The following INSC variants were observed in gnomAD, a reference collection of about 807,000 sequenced individuals.
INSC encodes the protein INSC spindle orientation adaptor protein, also known as protein inscuteable homolog.
INSC carries 67 observed loss-of-function variants against 58.6 expected under a neutral mutation model. That is an observed-to-expected ratio of 1.14 (90% CI 0.94 to 1.40). INSC has a LOEUF of 1.40. INSC is among the 40% of genes most tolerant of loss of function. INSC has a pLI of 0.00. For synonymous variants in INSC, 262 were observed against 276.1 expected, an observed-to-expected ratio of 0.95 and a Z score of 0.51; for missense variants, 714 against 692.0, an observed-to-expected ratio of 1.03 and a Z score of -0.36.
At chr11:15,158,840 AACC>A (rs931236479) in intron 2 of INSC, among the ~76,000 whole-genome samples, 1 of 148,632 alleles carries the variant, frequency 6.7e-6, no homozygotes, top group African/African-American at 2.5e-5. Context: ...TTATAATTAT[AACC>A]AGATGAATTG....
chr11:15,112,649 G>GGGC (rs1564851421), upstream of INSC: 1 of 545,828 alleles, frequency 1.8e-6, no homozygotes, highest in African/African-American at 2.1e-5. Flanking sequence ...TTGGGAAGTG[G>GGGC]GGGGGGGGCA....
chr11:15,175,207 T>C (rs1590399494), intron 2 of INSC, among the ~76,000 whole-genome samples: 1 of 152,224 alleles, frequency 6.6e-6, no homozygotes, highest in African/African-American at 2.4e-5. Flanking sequence ...TCTAACATTA[T>C]TGTAATAATT....
At chr11:15,225,537 G>A (rs1851599539) in intron 8 of INSC, 113 bp from the exon 9 acceptor site, 7 of 1,047,162 alleles carry the variant, frequency 6.7e-6, no homozygotes, top group Middle Eastern at 5.3e-4. Context: ...CTGTAAAATG[G>A]GTATTATAAC....
intron 1 of INSC, among the ~76,000 whole-genome samples, chr11:15,144,167 T>G (rs759465924): frequency 3.3e-5 from 5 of 152,196 alleles, no homozygotes; most frequent in Admixed American, 6.5e-5. Flanking sequence ...TCCACTTCAC[T>G]AAGACTCTTA....
chr11:15,218,424 G>A (rs578061230), intron 7 of INSC, among the ~76,000 whole-genome samples: 4 of 152,142 alleles, frequency 2.6e-5, no homozygotes, highest in Non-Finnish European at 4.4e-5. Flanking sequence ...AGAAATCAGA[G>A]GTATGAGATC....
intron 1 of INSC, among the ~76,000 whole-genome samples, chr11:15,119,953 CCTT>C: frequency 6.6e-6 from 1 of 152,178 alleles, no homozygotes; most frequent in East Asian, 1.9e-4. Context: ...AATGCAATAT[CCTT>C]CTTTCTTATG....
intron 1 of INSC, among the ~76,000 whole-genome samples, chr11:15,125,680 A>G (rs199979033): frequency 2.0e-5 from 3 of 152,178 alleles, no homozygotes; most frequent in East Asian, 1.9e-4. Context: ...ATTGCTTTCA[A>G]TAAGTCTTTA....
At chr11:15,190,556 T>C (rs1850126193) in intron 5 of INSC, 145 bp from the exon 6 acceptor site, 1 of 683,010 alleles carries the variant, frequency 1.5e-6, no homozygotes, top group Non-Finnish European at 2.7e-6. Context: ...TAGAACTTCA[T>C]TGCACTCACA....
At chr11:15,152,294 T>C (rs1848679010) in intron 2 of INSC, among the ~76,000 whole-genome samples, 1 of 152,198 alleles carries the variant, frequency 6.6e-6, no homozygotes, top group South Asian at 2.1e-4. Flanking sequence ...AGATTTGGAA[T>C]CAGTGTTGTT....
At chr11:15,135,490 T>C (rs1848223412) in intron 1 of INSC, among the ~76,000 whole-genome samples, 1 of 152,224 alleles carries the variant, frequency 6.6e-6, no homozygotes, top group East Asian at 1.9e-4. Flanking sequence ...GGATATTCTG[T>C]TATATACAGT....
At chr11:15,112,427 C>T, upstream of INSC, 2 of 1,514,950 alleles carry the variant, frequency 1.3e-6, no homozygotes, top group South Asian at 1.2e-5. Context: ...TCACAGGGGC[C>T]TCTGTAAGGA....
intron 5 of INSC, among the ~76,000 whole-genome samples, chr11:15,188,826 G>T (rs1328092739): frequency 6.6e-6 from 1 of 152,158 alleles, no homozygotes; most frequent in Admixed American, 6.5e-5. Context: ...TATCATTTAG[G>T]TACAGGACCC....
the INSC span, among the ~76,000 whole-genome samples, chr11:15,262,152 T>C: frequency 6.6e-6 from 1 of 152,130 alleles, no homozygotes; most frequent in Non-Finnish European, 1.5e-5. Context: ...CAATTTATCT[T>C]GCAGAAGGGC....
Position 15,178,482 on chromosome 11 carries a change from G to C in INSC, c.579+35G>C, listed in dbSNP as rs761563389. 4 of 1,597,266 alleles carry C rather than the reference G, an allele frequency of 2.5e-6. No individual in the cohort carries two copies. In the South Asian group the frequency reaches 4.4e-5, roughly 18 times the overall value. ...GGCTGGGCTGCAGGGAGGGGTGCTT[G>C]TGTGGACCCTTGGAGGAAAGGAGAG... On this transcript the variant is annotated intron_variant, in intron 5 of 12. Transcript: ENST00000379556.
intron 7 of INSC, 76 bp from the exon 8 acceptor site, chr11:15,221,401 G>C: frequency 6.7e-7 from 1 of 1,503,652 alleles, no homozygotes; most frequent in Non-Finnish European, 9.0e-7. Context: ...GGCTGAATCT[G>C]TATCTGTCTC....
intron 12 of INSC, among the ~76,000 whole-genome samples, chr11:15,244,136 C>T (rs1852470350): frequency 6.6e-6 from 1 of 152,088 alleles, no homozygotes; most frequent in African/African-American, 2.4e-5. Context: ...GCATTGGTGG[C>T]CTTGTTTCCT....
chr11:15,245,564 G>A (rs1441490939), intron 12 of INSC, among the ~76,000 whole-genome samples: 2 of 152,072 alleles, frequency 1.3e-5, no homozygotes, highest in Non-Finnish European at 2.9e-5. Flanking sequence ...GCTTTCTATA[G>A]CACCTTGCTG....
chr11:15,261,541 G>C, the INSC span, among the ~76,000 whole-genome samples: 1 of 152,114 alleles, frequency 6.6e-6, no homozygotes, highest in East Asian at 1.9e-4. Context: ...GGTACAATCT[G>C]ACAAAGTTAT....
the INSC span, among the ~76,000 whole-genome samples, chr11:15,266,993 T>C: frequency 5.9e-5 from 9 of 152,024 alleles, no homozygotes; most frequent in Non-Finnish European, 8.8e-5. Flanking sequence ...AAATTCGGAT[T>C]TCTATTTAGT....
Sources: allele counts gnomAD v4.1 joint callset (sites outside exome capture counted in the v4.1 genomes callset), GRCh38; gene constraint gnomAD v4.1.1; transcripts MANE v1.5; gene names NCBI Gene and HGNC (gene_info 2026-07-23, HGNC 2026-07-21).